The following DLGAP2 variants were observed in gnomAD, a reference collection of about 807,000 sequenced individuals.
DLGAP2 encodes the protein DLG associated protein 2, also known as disks large-associated protein 2.
In DLGAP2, 26 loss-of-function variants were observed where a neutral mutation model predicts 100.3. The ratio of observed to expected loss-of-function variants is 0.26; its 90% CI spans 0.19 to 0.36. DLGAP2 has a LOEUF of 0.36. Among genes scored for constraint, DLGAP2 ranks in the 10% least tolerant of loss-of-function variants. DLGAP2 has a pLI of 1.00. For synonymous variants in DLGAP2, 886 were observed against 630.1 expected (o/e 1.41, Z -6.08); for missense variants, 1,858 against 1,453.2 (o/e 1.28, Z -4.53).
intron 2 of DLGAP2, among the ~76,000 whole-genome samples, chr8:1,097,623 G>C (rs866648123): frequency 4.4e-3 from 320 of 73,134 alleles, no homozygotes; most frequent in East Asian, 8.3e-3. Flanking sequence ...GTGAGACCCA[G>C]CTCCCTCTGC....
chr8:1,311,322 T>G (rs574088972), intron 3 of DLGAP2, among the ~76,000 whole-genome samples: 7 of 152,306 alleles, frequency 4.6e-5, no homozygotes, highest in African/African-American at 1.4e-4. Flanking sequence ...CAGAATCAGA[T>G]ACGTTCACTG....
intron 3 of DLGAP2, among the ~76,000 whole-genome samples, chr8:1,270,493 T>A (rs187595738): frequency 1.3e-5 from 2 of 152,324 alleles, no homozygotes; most frequent in East Asian, 3.9e-4. Flanking sequence ...AGATTGACTT[T>A]CCTCAGGAGA....
At chr8:1,518,205 G>C (rs961913529) in intron 4 of DLGAP2, among the ~76,000 whole-genome samples, 3 of 152,134 alleles carry the variant, frequency 2.0e-5, no homozygotes, top group Admixed American at 6.5e-5. Flanking sequence ...ACACGGAATC[G>C]AGTTTGCTAG....
At chr8:1,607,705 G>C (rs939529776) in intron 6 of DLGAP2, among the ~76,000 whole-genome samples, 7 of 152,234 alleles carry the variant, frequency 4.6e-5, no homozygotes, top group African/African-American at 1.7e-4. Context: ...AGCCGAAGCA[G>C]GGCGAGGCAT....
At chr8:1,163,544 C>G (rs181577509) in intron 2 of DLGAP2, among the ~76,000 whole-genome samples, 239 of 152,328 alleles carry the variant, frequency 1.6e-3, no homozygotes, top group Admixed American at 3.1e-3. Context: ...GATTCATTAG[C>G]GAGTGTGAGC....
chr8:897,237 A>G (rs1391358036), intron 1 of DLGAP2, among the ~76,000 whole-genome samples: 2 of 152,124 alleles, frequency 1.3e-5, no homozygotes, highest in East Asian at 3.9e-4. Context: ...GTCACCAAGC[A>G]ACCCTGGTCC....
intron 2 of DLGAP2, among the ~76,000 whole-genome samples, chr8:1,052,520 C>A (rs1802749272): frequency 6.6e-6 from 1 of 152,120 alleles, no homozygotes; most frequent in Admixed American, 6.5e-5. Context: ...TTACTATATT[C>A]CAGGCATTGT....
At chr8:1,625,662 A>C (rs1256775593) in intron 6 of DLGAP2, among the ~76,000 whole-genome samples, 2 of 152,156 alleles carry the variant, frequency 1.3e-5, no homozygotes, top group African/African-American at 4.8e-5. Flanking sequence ...TGAGACTCTC[A>C]GTTTTTTGGC....
At chr8:1,517,818 C>G (rs1037259524) in intron 4 of DLGAP2, among the ~76,000 whole-genome samples, 12 of 152,164 alleles carry the variant, frequency 7.9e-5, no homozygotes, top group African/African-American at 2.4e-4. Context: ...GTTTATTTTC[C>G]AAAAACAAGA....
At chr8:1,474,733 A>C (rs879636972) in intron 3 of DLGAP2, among the ~76,000 whole-genome samples, 3 of 152,240 alleles carry the variant, frequency 2.0e-5, no homozygotes, top group Non-Finnish European at 4.4e-5. Context: ...TAACCTGTTT[A>C]ACAGGTTGGC....
chr8:1,425,241 A>AC (rs1797205947), intron 3 of DLGAP2, among the ~76,000 whole-genome samples: 1 of 152,190 alleles, frequency 6.6e-6, no homozygotes, highest in Non-Finnish European at 1.5e-5. Flanking sequence ...AATGATAGTG[A>AC]AAATATCTGT....
At chr8:1,061,519 C>G (rs1056244206) in intron 2 of DLGAP2, among the ~76,000 whole-genome samples, 7 of 152,256 alleles carry the variant, frequency 4.6e-5, no homozygotes, top group Middle Eastern at 3.4e-3. Context: ...TTGCATCCCC[C>G]CCTCCAGCCA....
chr8:1,473,369 C>T lies in DLGAP2; in HGVS notation c.107-27997C>T, dbSNP rs564323110. Reference sequence around the variant, plus strand: ...ACTCAGGGATGAGAGGAACGGAGAACGGAGCCTGCAGTGAGGGAGAATCTC... The same window carrying T: ...ACTCAGGGATGAGAGGAACGGAGAATGGAGCCTGCAGTGAGGGAGAATCTC... On this transcript the variant is annotated intron_variant, in intron 3 of 14. Coordinates refer to ENST00000637795, the MANE Select transcript of DLGAP2 (RefSeq NM_001346810.2). Among the ~76,000 whole-genome samples the T allele has an allele frequency of 1.1e-4, 17 of 152,316 alleles. No individual in the cohort carries two copies. In the East Asian group the frequency reaches 1.2e-3, roughly 10 times the overall value.
chr8:1,042,118 C>G (rs1034053460), intron 2 of DLGAP2, among the ~76,000 whole-genome samples: 4 of 152,182 alleles, frequency 2.6e-5, no homozygotes, highest in Admixed American at 1.3e-4. Context: ...AGGAGAGCCC[C>G]CAGCCCCAGC....
At chr8:1,299,284 G>A (rs1800272483) in intron 3 of DLGAP2, among the ~76,000 whole-genome samples, 1 of 152,220 alleles carries the variant, frequency 6.6e-6, no homozygotes, top group Admixed American at 6.5e-5. Flanking sequence ...GCCACCCAGG[G>A]TGCCGCATGG....
Position 1,349,661 on chromosome 8 carries a change from T to G in DLGAP2, c.106+90778T>G, listed in dbSNP as rs1423316065. The stretch of plus-strand genomic sequence containing the variant: ...ACATCCACACACAGGTAGGAAGGGG[T>G]GTTTGAGGGAGACTATCATGAGCCT... On this transcript the variant is annotated intron_variant, in intron 3 of 14. Transcript: ENST00000637795. Among the ~76,000 whole-genome samples the G allele has an allele frequency of 8.6e-5, 3 of 34,940 alleles. 1 individual carries two copies. The highest frequency in any genetic ancestry group is 1.2e-4 in the Non-Finnish European group (2 of 16,088). 22.9% of individuals were successfully genotyped at this position (34,940 alleles called of 152,430 possible).
chr8:1,513,753 A>G (rs539253575), intron 4 of DLGAP2, among the ~76,000 whole-genome samples: 2 of 152,304 alleles, frequency 1.3e-5, no homozygotes, highest in South Asian at 4.2e-4. Context: ...TGTAAGTTAC[A>G]AAAATAATAC....
chr8:1,174,848 C>G (rs1474466969), intron 2 of DLGAP2, among the ~76,000 whole-genome samples: 1 of 152,148 alleles, frequency 6.6e-6, no homozygotes, highest in East Asian at 1.9e-4. Context: ...TTCTGTTTAT[C>G]TATGTTTACA....
intron 2 of DLGAP2, among the ~76,000 whole-genome samples, chr8:1,157,582 C>T (rs149813343): frequency 6.6e-6 from 1 of 152,182 alleles, no homozygotes. Context: ...CAGAGCAAGA[C>T]CAGCCAACGG....
Sources: gnomAD v4.1 joint callset for allele counts (sites outside exome capture counted in the v4.1 genomes callset) on GRCh38, gnomAD v4.1.1 for gene constraint, MANE v1.5 for transcripts, NCBI Gene and HGNC (gene_info 2026-07-23, HGNC 2026-07-21) for gene names.